Variants in RIMS2 observed in about 807,000 individuals in gnomAD.
RIMS2 encodes regulating synaptic membrane exocytosis 2, also known as regulating synaptic membrane exocytosis protein 2.
In RIMS2, 59 loss-of-function variants were observed where a neutral mutation model predicts 174.4. The ratio of observed to expected loss-of-function variants is 0.34; its 90% CI spans 0.27 to 0.42. RIMS2 has a LOEUF of 0.42. RIMS2 is among the 10% of genes least tolerant of loss of function. The pLI is 1.00. For synonymous variants in RIMS2, 606 were observed against 572.5 expected (o/e 1.06, Z -0.84); for missense variants, 1,620 against 1,666.3 (o/e 0.97, Z 0.48).
At chr8:103,645,979 C>T (rs1228698982) in intron 1 of RIMS2, among the ~76,000 whole-genome samples, 1 of 151,654 alleles carries the variant, frequency 6.6e-6, no homozygotes, top group Non-Finnish European at 1.5e-5. Flanking sequence ...ACGGGTGGGG[C>T]TGTTTTATAA....
At chr8:103,630,875 AT>A (rs944888218) in intron 1 of RIMS2, among the ~76,000 whole-genome samples, 5 of 151,768 alleles carry the variant, frequency 3.3e-5, no homozygotes, top group African/African-American at 4.8e-5. Context: ...GAATTGAGCT[AT>A]TTTTTTTATT....
chr8:103,907,527 T>G (rs1369726916), intron 4 of RIMS2, among the ~76,000 whole-genome samples: 1 of 151,974 alleles, frequency 6.6e-6, no homozygotes, highest in Non-Finnish European at 1.5e-5. Flanking sequence ...TTCCTTCCTT[T>G]TTTTTCTCTG....
At chr8:103,542,386 C>G (rs1842943747) in intron 1 of RIMS2, among the ~76,000 whole-genome samples, 1 of 152,272 alleles carries the variant, frequency 6.6e-6, no homozygotes, top group Non-Finnish European at 1.5e-5. Flanking sequence ...CTGATGGTTT[C>G]ACTGCTGAAT....
chr8:103,658,931 A>G (rs570980080), intron 1 of RIMS2, among the ~76,000 whole-genome samples: 3 of 152,328 alleles, frequency 2.0e-5, no homozygotes, highest in East Asian at 3.9e-4. Flanking sequence ...ATCAAAGGTG[A>G]AATTTAAAAA....
intron 12 of RIMS2, 34 bp from the exon 15 acceptor site, chr8:103,936,517 A>G (rs1275139888): frequency 2.2e-6 from 3 of 1,381,512 alleles, no homozygotes; most frequent in South Asian, 1.4e-5. Context: ...TTATAGTTCT[A>G]TGTAAGTTCA....
chr8:104,013,487 A>G (rs1364711015), exon 18 of RIMS2: 4 of 1,613,794 alleles, frequency 2.5e-6, no homozygotes, highest in Non-Finnish European at 3.4e-6. Flanking sequence ...GATCCAGATC[A>G]ACAGAACAAC....
intron 19 of RIMS2, among the ~76,000 whole-genome samples, chr8:104,216,698 T>C (rs1211741724): frequency 2.0e-5 from 3 of 152,170 alleles, no homozygotes; most frequent in Non-Finnish European, 4.4e-5. Flanking sequence ...AGTAAAGTTG[T>C]TGAGGAAAAA....
At chr8:104,094,434 TGTG>T in intron 19 of RIMS2, 1 of 599,274 alleles carries the variant, frequency 1.7e-6, no homozygotes. Flanking sequence ...TTTCTTTTTT[TGTG>T]TGTTTATTTG....
intron 1 of RIMS2, among the ~76,000 whole-genome samples, chr8:103,521,035 G>T (rs369408372): frequency 1.3e-5 from 2 of 150,556 alleles, no homozygotes; most frequent in Non-Finnish European, 3.0e-5. Context: ...ATAGTATTCC[G>T]TGGTGTACCA....
intron 19 of RIMS2, among the ~76,000 whole-genome samples, chr8:104,021,768 G>T (rs149645566): frequency 6.6e-6 from 1 of 152,006 alleles, no homozygotes; most frequent in South Asian, 2.1e-4. Flanking sequence ...CCTGCCTCCC[G>T]CACAGACAAA....
chr8:103,544,340 G>A (rs984980581), intron 1 of RIMS2, among the ~76,000 whole-genome samples: 10 of 152,226 alleles, frequency 6.6e-5, no homozygotes, highest in African/African-American at 2.4e-4. Context: ...GCTGGTGGGT[G>A]CAGCTTACGC....
At chr8:103,975,055 A>G (rs528376574) in intron 15 of RIMS2, among the ~76,000 whole-genome samples, 142 of 152,334 alleles carry the variant, frequency 9.3e-4, no homozygotes, top group African/African-American at 3.0e-3. Flanking sequence ...TGAGTCTTCT[A>G]TTGGAGATAA....
chr8:103,554,907 A>C (rs1849722331), intron 1 of RIMS2, among the ~76,000 whole-genome samples: 1 of 152,186 alleles, frequency 6.6e-6, no homozygotes, highest in Non-Finnish European at 1.5e-5. Flanking sequence ...GGAGGCCATA[A>C]TCCCAAGTGA....
At chr8:104,148,736 G>A in intron 19 of RIMS2, 1 of 1,598,324 alleles carries the variant, frequency 6.3e-7, no homozygotes, top group Non-Finnish European at 8.5e-7. Context: ...ACACTGCAGT[G>A]GGCACCTTGG....
intron 1 of RIMS2, among the ~76,000 whole-genome samples, chr8:103,513,500 A>T (rs1170267044): frequency 6.6e-6 from 1 of 152,212 alleles, no homozygotes; most frequent in Non-Finnish European, 1.5e-5. Flanking sequence ...CAGGGTTAGG[A>T]CAGTAGCCCC....
chr8:104,097,177 G>A (rs1013000189), intron 19 of RIMS2, among the ~76,000 whole-genome samples: 1 of 151,914 alleles, frequency 6.6e-6, no homozygotes, highest in Non-Finnish European at 1.5e-5. Context: ...TTCAGAGTTC[G>A]GATTTTTTTC....
intron 19 of RIMS2, among the ~76,000 whole-genome samples, chr8:104,098,925 A>G (rs2097811060): frequency 6.6e-6 from 1 of 152,116 alleles, no homozygotes; most frequent in Admixed American, 6.5e-5. Context: ...TGTGATTAGG[A>G]CTCTAAAATA....
At position 104,098,028 on chromosome 8, in the gene RIMS2, G is replaced by A. The variant is rs773619775; in HGVS notation, c.3334+83413G>A. On this transcript the variant is annotated intron_variant, in intron 19 of 23. Transcript: ENST00000504942. ...AGAAGCCATTATAATTGCTATTTTC[G>A]TTAATTAGATCTAATTGTATGATAC... Among the ~76,000 whole-genome samples the A allele has an allele frequency of 3.9e-5, 6 of 152,172 alleles. No homozygotes were observed. The East Asian group carries it at 1.2e-3, about 29-fold the overall frequency.
rs575505149 is a variant in RIMS2 at position 103,896,427 on chromosome 8, G to C, written c.1624+10204G>C. On this transcript the variant is annotated intron_variant, in intron 4 of 23. Coordinates refer to ENST00000504942, the Ensembl canonical transcript of RIMS2. ...CTAGGTAAGAAGGTAACATATATCT[G>C]TTGTTATTATCTGAAGCTCTAGAAG... Among the ~76,000 whole-genome samples the C allele has an allele frequency of 4.6e-5, 7 of 151,724 alleles. No individual in the cohort carries two copies. In the East Asian group the frequency reaches 9.7e-4, roughly 21 times the overall value.
Sources: allele counts gnomAD v4.1 joint callset (sites outside exome capture counted in the v4.1 genomes callset), GRCh38; gene constraint gnomAD v4.1.1; transcripts MANE v1.5; gene names NCBI Gene and HGNC (gene_info 2026-07-23, HGNC 2026-07-21).